SUFU: variants seen among roughly 807,000 people sequenced by gnomAD.
SUFU encodes the protein suppressor of fused homolog.
A neutral mutation model predicts 58.9 loss-of-function variants in SUFU; 7 were observed. The observed-to-expected ratio is 0.12, with a 90% CI of 0.07 to 0.22. The LOEUF (loss-of-function observed/expected upper bound fraction) is 0.22, where lower values mean the gene tolerates loss of function less well. SUFU is among the 10% of genes least tolerant of loss of function. SUFU has a pLI of 1.00. For synonymous variants in SUFU, 232 were observed against 254.8 expected (o/e 0.91, Z 0.85); for missense variants, 451 against 641.3 (o/e 0.70, Z 3.20).
At chr10:102,607,685 G>A (rs960759026) in intron 8 of SUFU, among the ~76,000 whole-genome samples, 1 of 152,294 alleles carries the variant, frequency 6.6e-6, no homozygotes. Context: ...AGGCCAAGGC[G>A]TGCAGATCAC....
At chr10:102,579,976 A>C in intron 3 of SUFU, 1 of 480,990 alleles carries the variant, frequency 2.1e-6, no homozygotes, top group Non-Finnish European at 2.7e-6. Context: ...TTCTAGCCCC[A>C]AGAGCTCCTC....
chr10:102,620,537 C>T (rs1296014901), intron 10 of SUFU, among the ~76,000 whole-genome samples: 1 of 152,202 alleles, frequency 6.6e-6, no homozygotes, highest in East Asian at 1.9e-4. Context: ...GTGCAGGAAG[C>T]CAGCTCCAGT....
At chr10:102,524,166 T>C (rs1348595799) in intron 2 of SUFU, among the ~76,000 whole-genome samples, 1 of 152,104 alleles carries the variant, frequency 6.6e-6, no homozygotes, top group Non-Finnish European at 1.5e-5. Flanking sequence ...AATTCTTCTT[T>C]TTAAAAAGTT....
At chr10:102,593,827 T>C in intron 5 of SUFU, 106 bp downstream of exon 5, 1 of 1,407,744 alleles carries the variant, frequency 7.1e-7, no homozygotes. Context: ...TTTCAGACCC[T>C]GGTTTTTCAC....
At chr10:102,599,676 G>C (rs775699690) in intron 8 of SUFU, 132 bp downstream of exon 8, 1 of 806,398 alleles carries the variant, frequency 1.2e-6, no homozygotes, top group Non-Finnish European at 2.1e-6. Flanking sequence ...CTAGGCTTAA[G>C]GGCAGGCATG....
intron 3 of SUFU, among the ~76,000 whole-genome samples, chr10:102,551,717 CTTTTTTTTTT>C (rs771685480): frequency 1.5e-5 from 1 of 68,714 alleles, no homozygotes; most frequent in South Asian, 6.4e-4. Context: ...TATGTGCCTT[CTTTTTTTTTT>C]TTTTTTTTTT....
At chr10:102,612,990 G>T (rs1031848337) in intron 8 of SUFU, among the ~76,000 whole-genome samples, 7 of 152,108 alleles carry the variant, frequency 4.6e-5, no homozygotes, top group African/African-American at 1.7e-4. Context: ...CTCTTGTTTG[G>T]GCCCTGAGGG....
intron 2 of SUFU, among the ~76,000 whole-genome samples, chr10:102,544,551 A>AT (rs2062834466): frequency 6.6e-6 from 1 of 152,088 alleles, no homozygotes; most frequent in East Asian, 1.9e-4. Flanking sequence ...AAATACAAAA[A>AT]TTAATGGTGT....
intron 8 of SUFU, among the ~76,000 whole-genome samples, chr10:102,613,892 C>T (rs989571000): frequency 2.0e-5 from 3 of 152,188 alleles, no homozygotes; most frequent in Non-Finnish European, 4.4e-5. Context: ...GACAGCTCAC[C>T]GTGCCAAGGC....
At chr10:102,516,235 C>T (rs751137076) in intron 2 of SUFU, among the ~76,000 whole-genome samples, 3 of 149,776 alleles carry the variant, frequency 2.0e-5, no homozygotes, top group Admixed American at 6.7e-5. Context: ...CCACCATGCC[C>T]GGCTAATTTT....
chr10:102,564,210 C>G (rs2063066211), intron 3 of SUFU, among the ~76,000 whole-genome samples: 1 of 152,246 alleles, frequency 6.6e-6, no homozygotes, highest in Admixed American at 6.5e-5. Flanking sequence ...CAGGCAGCTT[C>G]TCATCTACAG....
intron 1 of SUFU, among the ~76,000 whole-genome samples, chr10:102,507,167 T>C (rs1301407758): frequency 6.6e-6 from 1 of 152,226 alleles, no homozygotes; most frequent in Non-Finnish European, 1.5e-5. Flanking sequence ...GGTAGTTCCT[T>C]GCAGTTGGAG....
chr10:102,559,262 G>T (rs910249154), intron 3 of SUFU, among the ~76,000 whole-genome samples: 1 of 152,190 alleles, frequency 6.6e-6, no homozygotes, highest in Admixed American at 6.5e-5. Flanking sequence ...GATGATATTG[G>T]CTGGGAATGG....
At position 102,595,234 on chromosome 10, in the gene SUFU, G is replaced by A. The variant is rs979764618; in HGVS notation, c.756+1169G>A. Reference sequence around the variant, plus strand: ...CAAGAGAAAGGTGGCAGATGGACATGTAGCCAGCAGCCCCTGAGTTCTTCA... The same window carrying A: ...CAAGAGAAAGGTGGCAGATGGACATATAGCCAGCAGCCCCTGAGTTCTTCA... On this transcript the variant is annotated intron_variant, in intron 6 of 11. Coordinates refer to ENST00000369902, the MANE Select transcript of SUFU (RefSeq NM_016169.4). 8.5e-4 allele frequency among the ~76,000 whole-genome samples: 130 copies of A among 152,216 alleles called. 2 individuals are homozygous for A. Among genetic ancestry groups the A allele is most frequent in the Admixed American group, 8.5e-3 (130 of 15,286 alleles).
chr10:102,568,921 C>A lies in SUFU; in HGVS notation c.454+18815C>A, dbSNP rs7090733. 8.4e-4 allele frequency among the ~76,000 whole-genome samples: 8 copies of A among 9,536 alleles called. 1 individual carries two copies. The highest frequency in any genetic ancestry group is 2.6e-3 in the East Asian group (1 of 384). 6.3% of individuals were successfully genotyped at this position (9,536 alleles called of 152,430 possible). A position where few individuals can be genotyped will look rare whatever the true frequency, so the allele number is the denominator to read the frequency against. On this transcript the variant is annotated intron_variant, in intron 3 of 11. Transcript: ENST00000369902. Reference sequence around the variant, plus strand: ...AAATATATATATATATATATATATACACATATATATATATATATATATATA... The same window carrying A: ...AAATATATATATATATATATATATAAACATATATATATATATATATATATA...
chr10:102,531,006 G>A (rs534063398), intron 2 of SUFU, among the ~76,000 whole-genome samples: 1 of 150,430 alleles, frequency 6.6e-6, no homozygotes, highest in East Asian at 2.0e-4. Flanking sequence ...GGGAGGCTGA[G>A]TCAGGAGGAT....
At chr10:102,588,917 A>G (rs1382276219) in intron 3 of SUFU, among the ~76,000 whole-genome samples, 3 of 151,732 alleles carry the variant, frequency 2.0e-5, no homozygotes, top group Admixed American at 6.6e-5. Flanking sequence ...TATTTTGTTT[A>G]TTTATTTATT....
chr10:102,523,094 C>T (rs2062570109), intron 2 of SUFU, among the ~76,000 whole-genome samples: 1 of 152,102 alleles, frequency 6.6e-6, no homozygotes, highest in Non-Finnish European at 1.5e-5. Context: ...CATTTGTCAG[C>T]GAGATCATAG....
chr10:102,622,237 C>T (rs2135945246), intron 10 of SUFU, among the ~76,000 whole-genome samples: 1 of 152,328 alleles, frequency 6.6e-6, no homozygotes, highest in East Asian at 1.9e-4. Context: ...AGCCTGTGCC[C>T]AAACCCCCTT....
Sources: gnomAD v4.1 joint callset for allele counts (sites outside exome capture counted in the v4.1 genomes callset) on GRCh38, gnomAD v4.1.1 for gene constraint, MANE v1.5 for transcripts, NCBI Gene and HGNC (gene_info 2026-07-23, HGNC 2026-07-21) for gene names.